The following CCDC192 variants were observed in gnomAD, a reference collection of about 807,000 sequenced individuals.
CCDC192 encodes the protein coiled-coil domain-containing protein 192.
At chr5:127,736,832 TA>T (rs1753032145) in intron 2 of CCDC192, among the ~76,000 whole-genome samples, 1 of 150,274 alleles carries the variant, frequency 6.7e-6, no homozygotes, top group African/African-American at 2.5e-5. Context: ...TTTTCTTTAT[TA>T]GTCTTGCTAG....
At chr5:127,840,749 TGAAAGA>T (rs1475395519) in intron 5 of CCDC192, among the ~76,000 whole-genome samples, 1 of 152,126 alleles carries the variant, frequency 6.6e-6, no homozygotes, top group African/African-American at 2.4e-5. Flanking sequence ...GCAAGACTAG[TGAAAGA>T]GAAAGAGTTA....
chr5:127,777,991 A>G (rs1755968624), intron 3 of CCDC192, among the ~76,000 whole-genome samples: 1 of 151,888 alleles, frequency 6.6e-6, no homozygotes, highest in African/African-American at 2.4e-5. Flanking sequence ...CAACTTTACC[A>G]AATTCATTTA....
At chr5:127,751,649 T>C (rs1754179109) in intron 2 of CCDC192, among the ~76,000 whole-genome samples, 1 of 152,226 alleles carries the variant, frequency 6.6e-6, no homozygotes, top group Non-Finnish European at 1.5e-5. Flanking sequence ...TTCCTGAATC[T>C]GAACGTTGGC....
chr5:127,706,730 G>A (rs915419404), intron 1 of CCDC192, among the ~76,000 whole-genome samples: 2 of 152,096 alleles, frequency 1.3e-5, no homozygotes, highest in East Asian at 1.9e-4. Context: ...TACATTTTCA[G>A]TTGGGAGATG....
intron 6 of CCDC192, among the ~76,000 whole-genome samples, chr5:127,892,693 C>G: frequency 6.6e-6 from 1 of 152,000 alleles, no homozygotes. Flanking sequence ...TGGCATTGTT[C>G]TAGAGAGAAA....
At chr5:127,736,950 G>C (rs991596168) in intron 2 of CCDC192, among the ~76,000 whole-genome samples, 11 of 150,818 alleles carry the variant, frequency 7.3e-5, no homozygotes, top group Non-Finnish European at 1.3e-4. Flanking sequence ...TCAGATTTTA[G>C]TTATTTCTTG....
At chr5:127,737,021 T>A (rs903396415) in intron 2 of CCDC192, among the ~76,000 whole-genome samples, 4 of 151,240 alleles carry the variant, frequency 2.6e-5, no homozygotes, top group African/African-American at 9.8e-5. Context: ...ATTGTGATGT[T>A]AGGGTGTCAA....
At chr5:127,920,929 G>A (rs1753694209) in intron 6 of CCDC192, among the ~76,000 whole-genome samples, 1 of 151,662 alleles carries the variant, frequency 6.6e-6, no homozygotes, top group South Asian at 2.1e-4. Flanking sequence ...GCATGGTGGT[G>A]TGCACCTGTA....
At chr5:127,912,442 G>GAAAAAAAAAAAAAAAAA (rs1554085385) in intron 6 of CCDC192, among the ~76,000 whole-genome samples, 2 of 53,836 alleles carry the variant, frequency 3.7e-5, no homozygotes, top group Admixed American at 1.6e-4. Context: ...AAAAAAAAAT[G>GAAAAAAAAAAAAAAAAA]AAGCTGTACT....
At chr5:127,839,590 A>C (rs890941500) in intron 5 of CCDC192, among the ~76,000 whole-genome samples, 4 of 152,122 alleles carry the variant, frequency 2.6e-5, no homozygotes, top group African/African-American at 9.7e-5. Context: ...TAAAATAATA[A>C]ATTTGAATAT....
chr5:127,780,913 A>G (rs1389254411), intron 3 of CCDC192, among the ~76,000 whole-genome samples: 1 of 152,198 alleles, frequency 6.6e-6, no homozygotes, highest in African/African-American at 2.4e-5. Flanking sequence ...TAATGTCTAG[A>G]AGGGTTTTTC....
rs1466836117 is a variant in CCDC192 at position 127,804,411 on chromosome 5, A to C, written c.411+6249A>C. ...GACTCTCTCTCCAGGGACTCAGCAC[A>C]TTAAATTCAGGTGAGGAAAGAGAGA... On this transcript the variant is annotated intron_variant, in intron 5 of 6. Coordinates refer to ENST00000514853, the MANE Select transcript of CCDC192 (RefSeq NM_001317938.2). Among the ~76,000 whole-genome samples, 4 of 152,212 alleles carry C rather than the reference A, an allele frequency of 2.6e-5. No homozygotes were observed. In the East Asian group the frequency reaches 7.7e-4, roughly 29 times the overall value.
At chr5:127,764,061 A>C (rs1755077879) in intron 3 of CCDC192, among the ~76,000 whole-genome samples, 1 of 152,230 alleles carries the variant, frequency 6.6e-6, no homozygotes, top group South Asian at 2.1e-4. Flanking sequence ...AAGCTCAGAC[A>C]GTAACTCCTC....
At position 127,896,245 on chromosome 5, in the gene CCDC192, C is replaced by T. The variant is rs542752330; in HGVS notation, c.535+20584C>T. ...TTTGAGGCCATGAGTTAGAGACCAG[C>T]CTGGGCAACATAGTGAGACCCCCGT... On this transcript the variant is annotated intron_variant, in intron 6 of 6. Coordinates refer to ENST00000514853, the MANE Select transcript of CCDC192 (RefSeq NM_001317938.2). Among the ~76,000 whole-genome samples the T allele has an allele frequency of 9.9e-5, 15 of 152,078 alleles. No homozygotes were observed. In the South Asian group the frequency reaches 3.1e-3, roughly 32 times the overall value.
chr5:127,859,095 C>A (rs1419209205), intron 5 of CCDC192, among the ~76,000 whole-genome samples: 1 of 152,158 alleles, frequency 6.6e-6, no homozygotes, highest in Non-Finnish European at 1.5e-5. Flanking sequence ...TCCCAACTGC[C>A]TTTTTCCTTA....
chr5:127,812,410 TG>T (rs1277901026), intron 5 of CCDC192, among the ~76,000 whole-genome samples: 3 of 152,152 alleles, frequency 2.0e-5, no homozygotes, highest in Non-Finnish European at 4.4e-5. Context: ...GAGCTGAAAG[TG>T]GTCCTGGGAT....
In CCDC192 at chr5:127,729,300, C is replaced by T. The variant is rs192504021; in HGVS notation, c.114+21540C>T. The stretch of plus-strand genomic sequence containing the variant: ...CATAATGGTAAAGGGTTTAATTCAA[C>T]AACAAGAGCTAACTATCCTAAATAT... On this transcript the variant is annotated intron_variant, in intron 2 of 6. Transcript: ENST00000514853. Among the ~76,000 whole-genome samples the T allele has an allele frequency of 4.3e-3, 648 of 152,296 alleles. 5 individuals are homozygous for T. Among genetic ancestry groups the T allele is most frequent in the Middle Eastern group, 0.014 (4 of 294 alleles).
chr5:127,918,835 C>G (rs1252073675), intron 6 of CCDC192, among the ~76,000 whole-genome samples: 2 of 145,880 alleles, frequency 1.4e-5, no homozygotes, highest in Non-Finnish European at 3.0e-5. Context: ...GTATGTCTCT[C>G]TGTGTGCATA....
chr5:127,706,090 CT>C (rs1750941257), intron 1 of CCDC192, among the ~76,000 whole-genome samples: 1 of 152,052 alleles, frequency 6.6e-6, no homozygotes, highest in Non-Finnish European at 1.5e-5. Flanking sequence ...TCACTGATTA[CT>C]TTGTGAACAT....
Sources: allele counts gnomAD v4.1 joint callset (sites outside exome capture counted in the v4.1 genomes callset), GRCh38; gene constraint gnomAD v4.1.1; transcripts MANE v1.5; gene names NCBI Gene and HGNC (gene_info 2026-07-23, HGNC 2026-07-21).